KIAA1217: variants seen among roughly 807,000 people sequenced by gnomAD.
KIAA1217 encodes sickle tail protein homolog.
KIAA1217 carries 88 observed loss-of-function variants against 163.9 expected under a neutral mutation model. The ratio of observed to expected loss-of-function variants is 0.54; its 90% CI spans 0.45 to 0.64. The LOEUF is 0.64. Among genes scored for constraint, KIAA1217 ranks in the 30% least tolerant of loss-of-function variants. KIAA1217 has a pLI of 0.00. For missense variants in KIAA1217, 2,372 were observed against 2,475.0 expected, an observed-to-expected ratio of 0.96 and a Z score of 0.88; for synonymous variants, 903 against 923.1, an observed-to-expected ratio of 0.98 and a Z score of 0.39.
intron 2 of KIAA1217, among the ~76,000 whole-genome samples, chr10:24,201,090 G>A (rs921278734): frequency 3.3e-5 from 5 of 152,084 alleles, no homozygotes; most frequent in African/African-American, 1.2e-4. Flanking sequence ...GGCCAACATG[G>A]TGAAACCCTG....
intron 2 of KIAA1217, among the ~76,000 whole-genome samples, chr10:24,174,670 A>G (rs1164816924): frequency 1.3e-5 from 2 of 152,248 alleles, no homozygotes; most frequent in Non-Finnish European, 2.9e-5. Flanking sequence ...TTGTTATGGC[A>G]GTCCTCAGGA....
chr10:23,799,952 G>C (rs1329808800), intron 1 of KIAA1217, among the ~76,000 whole-genome samples: 1 of 152,168 alleles, frequency 6.6e-6, no homozygotes, highest in Non-Finnish European at 1.5e-5. Flanking sequence ...ATGTAAACAA[G>C]ATTAATTTGA....
intron 2 of KIAA1217, among the ~76,000 whole-genome samples, chr10:24,012,117 G>A (rs1022594718): frequency 1.3e-5 from 2 of 152,164 alleles, no homozygotes; most frequent in Non-Finnish European, 2.9e-5. Flanking sequence ...GACCTAAGGT[G>A]TATCTGTAGA....
chr10:24,163,095 T>C (rs1651802685), intron 2 of KIAA1217, among the ~76,000 whole-genome samples: 1 of 152,202 alleles, frequency 6.6e-6, no homozygotes, highest in Non-Finnish European at 1.5e-5. Context: ...GAAGCAGGCA[T>C]CACTGGGGAC....
intron 2 of KIAA1217, among the ~76,000 whole-genome samples, chr10:24,220,322 TAATG>T (rs2069408625): frequency 6.6e-6 from 1 of 152,130 alleles, no homozygotes; most frequent in Non-Finnish European, 1.5e-5. Flanking sequence ...ATGAATGAAG[TAATG>T]AATGAATGAA....
intron 2 of KIAA1217, among the ~76,000 whole-genome samples, chr10:24,063,131 C>T (rs894993520): frequency 6.6e-6 from 1 of 152,060 alleles, no homozygotes; most frequent in South Asian, 2.1e-4. Flanking sequence ...TGTGCAGAAG[C>T]TCTTTAGTTT....
chr10:24,486,812 C>T lies in KIAA1217; in HGVS notation c.1680-7688C>T, dbSNP rs779826913. 1.7e-4 allele frequency among the ~76,000 whole-genome samples: 26 copies of T among 152,104 alleles called. 1 individual carries two copies. The highest frequency in any genetic ancestry group is 1.6e-3 in the Admixed American group (24 of 15,266). ...CAGATTTTTTTTTCTCCTTCATGTT[C>T]GTTGGTGTCTAAGGTTTATCATCTA... On this transcript the variant is annotated intron_variant, in intron 6 of 20. Transcript: ENST00000376454.
intron 2 of KIAA1217, among the ~76,000 whole-genome samples, chr10:24,030,165 C>T (rs1028605644): frequency 2.6e-5 from 4 of 152,070 alleles, no homozygotes; most frequent in African/African-American, 4.8e-5. Flanking sequence ...TAAAATTCAC[C>T]ATTTTAAGCA....
At chr10:24,143,131 G>A (rs1391849802) in intron 2 of KIAA1217, among the ~76,000 whole-genome samples, 1 of 152,084 alleles carries the variant, frequency 6.6e-6, no homozygotes, top group African/African-American at 2.4e-5. Context: ...AAAAGAGGAG[G>A]GACATGTGTC....
chr10:24,187,862 C>T (rs1385931914), intron 2 of KIAA1217, among the ~76,000 whole-genome samples: 1 of 151,092 alleles, frequency 6.6e-6, no homozygotes, highest in Admixed American at 6.6e-5. Context: ...TGCATTCCAG[C>T]CTGGGCAACA....
intron 3 of KIAA1217, among the ~76,000 whole-genome samples, chr10:24,397,291 T>C (rs2055915748): frequency 1.3e-5 from 2 of 152,056 alleles, no homozygotes; most frequent in African/African-American, 4.8e-5. Context: ...GATTTCACTA[T>C]GTTGGCCAGG....
At chr10:24,116,500 C>T (rs1158459721) in intron 2 of KIAA1217, among the ~76,000 whole-genome samples, 1 of 152,074 alleles carries the variant, frequency 6.6e-6, no homozygotes, top group Admixed American at 6.5e-5. Flanking sequence ...AAAATATTTG[C>T]TATCTGTTCC....
At chr10:24,506,868 C>T (rs1232208536) in intron 9 of KIAA1217, among the ~76,000 whole-genome samples, 8 of 152,156 alleles carry the variant, frequency 5.3e-5, no homozygotes. Context: ...CAAGAAAGCT[C>T]TGCAGAGAAA....
At chr10:24,103,033 AC>A (rs977366048) in intron 2 of KIAA1217, among the ~76,000 whole-genome samples, 2 of 152,120 alleles carry the variant, frequency 1.3e-5, no homozygotes, top group African/African-American at 4.8e-5. Flanking sequence ...CCCCTCATTC[AC>A]CTTCCACCAT....
chr10:23,924,134 G>C (rs1426961681), intron 1 of KIAA1217, among the ~76,000 whole-genome samples: 1 of 148,280 alleles, frequency 6.7e-6, no homozygotes, highest in Admixed American at 6.7e-5. Context: ...TGGTGATACT[G>C]TATTTTTCCC....
At position 24,539,260 on chromosome 10, in the gene KIAA1217, G is replaced by A. The variant is rs187157451; in HGVS notation, c.3534+2367G>A. 5.3e-4 allele frequency among the ~76,000 whole-genome samples: 80 copies of A among 151,360 alleles called. No homozygotes were observed. In the East Asian group the frequency reaches 0.012, roughly 23 times the overall value. On this transcript the variant is annotated intron_variant, in intron 17 of 20. Transcript: ENST00000376454. ...TTCTTTTTAATTGAAATGGAGTCTC[G>A]CTCTATCACCCAAGCTGGAGTGCAA...
chr10:24,474,601 G>A (rs1369024991), intron 6 of KIAA1217, among the ~76,000 whole-genome samples: 2 of 152,144 alleles, frequency 1.3e-5, no homozygotes, highest in Non-Finnish European at 2.9e-5. Context: ...AAAATAGAAT[G>A]GCTTAGATTT....
chr10:24,373,428 G>C (rs2051990122), intron 2 of KIAA1217, among the ~76,000 whole-genome samples: 1 of 152,124 alleles, frequency 6.6e-6, no homozygotes, highest in Admixed American at 6.5e-5. Context: ...TTTAGGGAGA[G>C]AGTCTTCAGA....
chr10:23,995,334 T>C (rs1275963751), intron 1 of KIAA1217, among the ~76,000 whole-genome samples: 3 of 152,150 alleles, frequency 2.0e-5, no homozygotes, highest in African/African-American at 7.2e-5. Context: ...AATAGAATCC[T>C]TTCTGGAAAA....
Sources: gnomAD v4.1 joint callset for allele counts (sites outside exome capture counted in the v4.1 genomes callset) on GRCh38, gnomAD v4.1.1 for gene constraint, MANE v1.5 for transcripts, NCBI Gene and HGNC (gene_info 2026-07-23, HGNC 2026-07-21) for gene names.